Variants in LCORL observed in about 807,000 individuals in gnomAD.
LCORL encodes the protein ligand dependent nuclear receptor corepressor like.
A neutral mutation model predicts 141.8 loss-of-function variants in LCORL; 41 were observed. The observed-to-expected ratio is 0.29, with a 90% CI of 0.23 to 0.38. The LOEUF (loss-of-function observed/expected upper bound fraction) is 0.38, where lower values mean the gene tolerates loss of function less well. Among genes scored for constraint, LCORL ranks in the 10% least tolerant of loss-of-function variants. LCORL has a pLI of 1.00. For synonymous variants in LCORL, 618 were observed against 694.1 expected (o/e 0.89, Z 1.72); for missense variants, 1,759 against 2,035.0 (o/e 0.86, Z 2.61).
chr4:17,873,548 T>C (rs1726597058), exon 7 of LCORL: 1 of 1,233,336 alleles, frequency 8.1e-7, no homozygotes, highest in Non-Finnish European at 1.0e-6. Context: ...AGTTAACACA[T>C]TTGCTTAATT....
chr4:17,892,060 T>G (rs1294267503), intron 5 of LCORL, among the ~76,000 whole-genome samples: 13 of 152,216 alleles, frequency 8.5e-5, no homozygotes, highest in African/African-American at 3.1e-4. Context: ...TTATGCTCAC[T>G]GCAAATAAAA....
At chr4:17,843,206 T>C in exon 8 of LCORL, 1 of 1,350,424 alleles carries the variant, frequency 7.4e-7, no homozygotes, top group Non-Finnish European at 1.0e-6. Flanking sequence ...AATTAAACAC[T>C]GATAGAATGT....
At chr4:17,855,593 T>A (rs1440918895) in intron 7 of LCORL, among the ~76,000 whole-genome samples, 1 of 152,230 alleles carries the variant, frequency 6.6e-6, no homozygotes, top group Non-Finnish European at 1.5e-5. Flanking sequence ...TGCAGTGTCT[T>A]CCCATTCTGC....
At chr4:17,965,534 A>C (rs1714699159) in intron 2 of LCORL, among the ~76,000 whole-genome samples, 2 of 152,172 alleles carry the variant, frequency 1.3e-5, no homozygotes, top group Admixed American at 1.3e-4. Flanking sequence ...CATTAGTAAA[A>C]GGTAACGTCA....
chr4:17,969,838 G>A (rs1284812619), intron 2 of LCORL, among the ~76,000 whole-genome samples: 4 of 152,068 alleles, frequency 2.6e-5, no homozygotes, highest in Non-Finnish European at 5.9e-5. Context: ...TTAAAATTAA[G>A]AGATTTCAGA....
At chr4:17,945,652 G>T (rs1246828646) in intron 4 of LCORL, among the ~76,000 whole-genome samples, 4 of 151,554 alleles carry the variant, frequency 2.6e-5, no homozygotes, top group Non-Finnish European at 5.9e-5. Flanking sequence ...TAGTATGTTG[G>T]GCTATCTTAA....
chr4:18,015,557 A>G, intron 1 of LCORL, among the ~76,000 whole-genome samples: 1 of 152,138 alleles, frequency 6.6e-6, no homozygotes. Flanking sequence ...CACTATTAGA[A>G]GGTGCCACAA....
chr4:17,978,656 A>C (rs147825671), intron 1 of LCORL, among the ~76,000 whole-genome samples: 327 of 152,000 alleles, frequency 2.2e-3, no homozygotes, highest in African/African-American at 7.4e-3. Flanking sequence ...TTGAATAATG[A>C]TTGCCAGCCC....
intron 4 of LCORL, among the ~76,000 whole-genome samples, chr4:17,926,472 T>C (rs1221234325): frequency 6.6e-6 from 1 of 152,020 alleles, no homozygotes; most frequent in East Asian, 1.9e-4. Flanking sequence ...GCTTTTCGAC[T>C]CTTGGACCTA....
intron 3 of LCORL, among the ~76,000 whole-genome samples, chr4:17,962,696 G>C (rs1292368852): frequency 6.6e-6 from 1 of 151,554 alleles, no homozygotes; most frequent in South Asian, 2.1e-4. Context: ...AAATAGACCT[G>C]AACTAAACTT....
chr4:17,897,832 C>A (rs986776562), intron 5 of LCORL, among the ~76,000 whole-genome samples: 5 of 152,124 alleles, frequency 3.3e-5, no homozygotes, highest in African/African-American at 1.2e-4. Flanking sequence ...TTGTACATTT[C>A]CTAGTCCAAA....
chr4:17,880,633 A>C, intron 6 of LCORL: 1 of 983,372 alleles, frequency 1.0e-6, no homozygotes, highest in South Asian at 4.7e-5. Flanking sequence ...TCTTTTACTG[A>C]ATGAGTAAAT....
intron 7 of LCORL, among the ~76,000 whole-genome samples, chr4:17,864,670 G>A (rs1725429469): frequency 6.6e-6 from 1 of 152,232 alleles, no homozygotes; most frequent in African/African-American, 2.4e-5. Context: ...GACATTAAAT[G>A]TAAGTGGTCT....
intron 4 of LCORL, among the ~76,000 whole-genome samples, chr4:17,950,001 G>C (rs1346623515): frequency 6.6e-6 from 1 of 152,156 alleles, no homozygotes; most frequent in Middle Eastern, 3.4e-3. Flanking sequence ...GCTTTTATGG[G>C]GGAAAAATGC....
chr4:17,999,668 G>A (rs1239327891), intron 1 of LCORL, among the ~76,000 whole-genome samples: 1 of 152,104 alleles, frequency 6.6e-6, no homozygotes, highest in Non-Finnish European at 1.5e-5. Flanking sequence ...ATAAACTCTG[G>A]TTTATCTCAG....
At chr4:17,850,010 G>A (rs1427891620) in intron 7 of LCORL, among the ~76,000 whole-genome samples, 2 of 151,300 alleles carry the variant, frequency 1.3e-5, no homozygotes, top group Admixed American at 6.6e-5. Context: ...TGACAAACCT[G>A]AGAAAAACAA....
intron 2 of LCORL, among the ~76,000 whole-genome samples, chr4:17,967,297 G>A (rs1047011829): frequency 1.1e-4 from 17 of 152,100 alleles, no homozygotes; most frequent in African/African-American, 4.1e-4. Context: ...ACGGTTTTTG[G>A]CAGTGATATG....
intron 4 of LCORL, chr4:17,912,307 G>A (rs903775278): frequency 2.2e-5 from 15 of 677,450 alleles, no homozygotes; most frequent in Non-Finnish European, 3.9e-5. Flanking sequence ...GACACAGATC[G>A]AGGCTCTCAA....
At chr4:17,911,723 A>G in intron 4 of LCORL, 1 of 488,366 alleles carries the variant, frequency 2.0e-6, no homozygotes, top group Non-Finnish European at 4.1e-6. Flanking sequence ...TGTTTCCTGG[A>G]CTCCGTCCAA....
Sources: gnomAD v4.1 joint callset for allele counts (sites outside exome capture counted in the v4.1 genomes callset) on GRCh38, gnomAD v4.1.1 for gene constraint, MANE v1.5 for transcripts, NCBI Gene and HGNC (gene_info 2026-07-23, HGNC 2026-07-21) for gene names.